Variants in NFATC1 observed in about 807,000 individuals in gnomAD.
NFATC1 encodes the protein nuclear factor of activated T cells 1.
A neutral mutation model predicts 76.0 loss-of-function variants in NFATC1; 22 were observed. The observed-to-expected ratio is 0.29, with a 90% CI of 0.21 to 0.41. NFATC1 has a LOEUF of 0.41. Among genes scored for constraint, NFATC1 ranks in the 10% least tolerant of loss-of-function variants. The probability of loss-of-function intolerance (pLI) is 1.00; values close to 1 mark genes in which losing one functional copy is unlikely to be tolerated. For missense variants in NFATC1, 1,357 were observed against 1,337.7 expected (o/e 1.01, Z -0.23); for synonymous variants, 704 against 613.1 (o/e 1.15, Z -2.19).
At chr18:79,504,886 C>T (rs12968261) in intron 9 of NFATC1, among the ~76,000 whole-genome samples, 26 of 76,940 alleles carry the variant, frequency 3.4e-4, no homozygotes, top group South Asian at 1.8e-3. Flanking sequence ...GAGACTGCTG[C>T]GTGGGAGGAG....
In NFATC1 at chr18:79,482,072, A is replaced by G. The variant is rs140155725; in HGVS notation, c.2093-4176A>G. ...CTGTTTCCTGGGGTGTCATTCCAGC[A>G]TGACCTGGTTCCTGAGGTGTAATTC... On this transcript the variant is annotated intron_variant, in intron 8 of 9. Coordinates refer to ENST00000427363, the MANE Select transcript of NFATC1 (RefSeq NM_001278669.2). 7.3e-4 allele frequency among the ~76,000 whole-genome samples: 71 copies of G among 97,894 alleles called. No homozygotes were observed. In the East Asian group the frequency reaches 0.017, roughly 24 times the overall value. The allele number at this position is 97,894 out of a possible 152,430, so 64.2% of individuals were successfully genotyped here.
chr18:79,426,331 G>A (rs1243414951), intron 2 of NFATC1, among the ~76,000 whole-genome samples: 2 of 151,906 alleles, frequency 1.3e-5, no homozygotes, highest in African/African-American at 4.8e-5. Flanking sequence ...CTTCCCAGGC[G>A]AGGGAGACAC....
At chr18:79,448,611 A>C in intron 3 of NFATC1, 171 bp from the exon 4 acceptor site, 1 of 673,958 alleles carries the variant, frequency 1.5e-6, no homozygotes, top group Non-Finnish European at 2.5e-6. Flanking sequence ...ATAACAAGGC[A>C]TTTTCTAATC....
intron 1 of NFATC1, among the ~76,000 whole-genome samples, chr18:79,397,656 G>T (rs2085052535): frequency 6.6e-6 from 1 of 152,038 alleles, no homozygotes. Context: ...TTTTTTTGTT[G>T]GAGTTTCGGT....
At chr18:79,443,825 A>G (rs1245224208) in intron 3 of NFATC1, among the ~76,000 whole-genome samples, 1 of 152,120 alleles carries the variant, frequency 6.6e-6, no homozygotes, top group Non-Finnish European at 1.5e-5. Flanking sequence ...CCCAGCCCCG[A>G]GGTGCTGGTC....
At chr18:79,514,020 G>A (rs911549938) in intron 9 of NFATC1, among the ~76,000 whole-genome samples, 4 of 152,184 alleles carry the variant, frequency 2.6e-5, no homozygotes, top group East Asian at 1.9e-4. Flanking sequence ...GAGCGTGGAC[G>A]TGCGTGGGGC....
intron 9 of NFATC1, among the ~76,000 whole-genome samples, chr18:79,505,589 T>G (rs1009068839): frequency 1.7e-4 from 11 of 65,994 alleles, no homozygotes; most frequent in Admixed American, 2.9e-4. Context: ...AGGTGGTGGA[T>G]GAGACCCTTG....
intron 9 of NFATC1, chr18:79,496,051 C>CAGTA (rs1339219459): frequency 6.6e-6 from 1 of 152,516 alleles, no homozygotes; most frequent in East Asian, 1.9e-4. Flanking sequence ...AAGCCGTGAA[C>CAGTA]AGTAGTAAGG....
intron 9 of NFATC1, chr18:79,497,180 G>A (rs1397536435): frequency 6.6e-6 from 1 of 152,274 alleles, no homozygotes; most frequent in African/African-American, 2.4e-5. Flanking sequence ...GAGAGAAGCA[G>A]GCCTTCTAAA....
chr18:79,486,685 C>A lies in NFATC1; in HGVS notation c.2530C>A (p.Pro844Thr). Reference protein sequence around the residue: ...CPPGLEHSLCPSSPSPPLPPA... With the variant: ...CPPGLEHSLCTSSPSPPLPPA... ...CCCTGGTCTCGAACACTCGCTCTGC[C>A]CCAGCAGCCCCTCTCCTCCACTCCC... Residue 844 changes from proline (P) to threonine (T), a missense_variant, in exon 9 of 10, where the codon CCC (proline) becomes ACC (threonine). This residue lies in a region of NFATC1 where 424 missense variants were observed against 395.4 expected (regional missense o/e 1.07). Transcript: ENST00000427363. 1 of 1,601,112 alleles carries A rather than the reference C, an allele frequency of 6.2e-7. No homozygotes were observed. The highest frequency in any genetic ancestry group is 8.5e-7 in the Non-Finnish European group (1 of 1,176,284).
In NFATC1 at chr18:79,410,291, C is replaced by A; in HGVS notation, c.128-112C>A. The A allele has an allele frequency of 6.7e-7, 1 of 1,503,268 alleles. No individual in the cohort carries two copies. 93.1% of individuals were successfully genotyped at this position (1,503,268 alleles called of 1,614,324 possible). On this transcript the variant is annotated intron_variant, in intron 1 of 9. Coordinates refer to ENST00000427363, the MANE Select transcript of NFATC1 (RefSeq NM_001278669.2). The surrounding 1 kb of genome is among the most constrained non-coding windows in gnomAD (Gnocchi z 6.7). ...TCAGGGACGTTTGCTGAGGCCCGCT[C>A]CTTGGGGTCCGTTGGTCGAGGCCGG...
intron 6 of NFATC1, among the ~76,000 whole-genome samples, chr18:79,458,159 G>A (rs2087837908): frequency 6.6e-6 from 1 of 152,236 alleles, no homozygotes; most frequent in African/African-American, 2.4e-5. Flanking sequence ...GTGCAGCAGG[G>A]CTGGGTGGCT....
At chr18:79,431,454 G>T (rs1051567721) in intron 2 of NFATC1, among the ~76,000 whole-genome samples, 1 of 152,094 alleles carries the variant, frequency 6.6e-6, no homozygotes, top group African/African-American at 2.4e-5. Flanking sequence ...CCCTGGCTCA[G>T]GCGATCCTCC....
chr18:79,469,873 C>T (rs1213242694), intron 8 of NFATC1: 8 of 985,340 alleles, frequency 8.1e-6, no homozygotes, highest in East Asian at 1.1e-4. Context: ...CTGGGGGCTG[C>T]GACCGCAACC....
chr18:79,427,535 G>GT (rs2086407730), intron 2 of NFATC1, among the ~76,000 whole-genome samples: 1 of 110,406 alleles, frequency 9.1e-6, no homozygotes, highest in African/African-American at 3.6e-5. Flanking sequence ...TGTGCAGTGG[G>GT]TGGGGGGAGC....
At chr18:79,447,686 T>C (rs969233780) in intron 3 of NFATC1, among the ~76,000 whole-genome samples, 1 of 152,256 alleles carries the variant, frequency 6.6e-6, no homozygotes, top group African/African-American at 2.4e-5. Context: ...GTTTGACTCC[T>C]GCGGCCTCCC....
intron 6 of NFATC1, among the ~76,000 whole-genome samples, chr18:79,460,329 T>C (rs1408645648): frequency 6.6e-6 from 1 of 152,252 alleles, no homozygotes; most frequent in African/African-American, 2.4e-5. Context: ...TAACTGTTCA[T>C]TTTGGGAACA....
In NFATC1 at chr18:79,486,428, T is replaced by A. The variant is rs753386603; in HGVS notation, c.2273T>A (p.Met758Lys). 4 of 1,612,446 alleles carry A rather than the reference T, an allele frequency of 2.5e-6. No homozygotes were observed. Among genetic ancestry groups the A allele is most frequent in the Non-Finnish European group, 3.4e-6 (4 of 1,179,870 alleles). Residue 758 changes from methionine (M) to lysine (K), a missense_variant, in exon 9 of 10, where the codon ATG becomes AAG. By Grantham distance (95) the Met-to-Lys change is moderately conservative. Around this residue, in one of 3 missense-constraint regions of NFATC1, gnomAD observed 424 missense variants for 395.4 expected, o/e 1.07. Coordinates refer to ENST00000427363, the MANE Select transcript of NFATC1 (RefSeq NM_001278669.2). ...FPPCPQRSTL[M>K]PAAPGVSPKL... ...CCCTGTCCGCAGAGAAGCACCCTGATGCCAGCGGCCCCTGGCGTGAGCCCC... is the reference window on the plus strand; with the variant it reads ...CCCTGTCCGCAGAGAAGCACCCTGAAGCCAGCGGCCCCTGGCGTGAGCCCC...
At position 79,481,667 on chromosome 18, in the gene NFATC1, TGA is replaced by T. The variant is rs1231728004; in HGVS notation, c.2093-4577_2093-4576del. 2.0e-5 allele frequency among the ~76,000 whole-genome samples: 3 copies of T among 152,372 alleles called. No homozygotes were observed. In the Middle Eastern group the frequency reaches 0.01, roughly 518 times the overall value. ...CCGAACTAAGGAGAATGTGCGGGAC[TGA>T]GAGCCATAGACCCTCGTGAGCCAGG... On this transcript the variant is annotated intron_variant, in intron 8 of 9. Transcript: ENST00000427363.
Sources: gnomAD v4.1 joint callset for allele counts (sites outside exome capture counted in the v4.1 genomes callset) on GRCh38, gnomAD v4.1.1 for gene constraint, gnomAD v4.1.1 regional missense constraint, Gnocchi (gnomAD v3.1) non-coding constraint, MANE v1.5 for transcripts, NCBI Gene and HGNC (gene_info 2026-07-23, HGNC 2026-07-21) for gene names.